LHFPL3: variants seen among roughly 807,000 people sequenced by gnomAD.
The protein encoded by LHFPL3 is LHFPL tetraspan subfamily member 3 protein.
In LHFPL3, 5 loss-of-function variants were observed where a neutral mutation model predicts 19.3. The observed-to-expected ratio is 0.26, with a 90% CI of 0.14 to 0.54. LHFPL3 has a LOEUF of 0.54. LHFPL3 is among the 20% of genes least tolerant of loss of function. LHFPL3 has a pLI of 0.94. For missense variants in LHFPL3, 249 were observed against 307.4 expected (o/e 0.81, Z 1.42); for synonymous variants, 133 against 126.2 (o/e 1.05, Z -0.36).
chr7:104,608,036 A>C (rs1379980723), intron 1 of LHFPL3, among the ~76,000 whole-genome samples: 1 of 152,224 alleles, frequency 6.6e-6, no homozygotes, highest in African/African-American at 2.4e-5. Flanking sequence ...GAACACTTTT[A>C]CACTGTTGGT....
chr7:104,351,038 T>TA (rs35688007), intron 1 of LHFPL3, among the ~76,000 whole-genome samples: 14,135 of 116,108 alleles, frequency 0.12, 1,311 homozygotes, highest in Admixed American at 0.29. Flanking sequence ...AGACTCCCTC[T>TA]AAAAAAAAAA....
At chr7:104,839,259 G>A (rs1791152251) in intron 2 of LHFPL3, among the ~76,000 whole-genome samples, 1 of 152,156 alleles carries the variant, frequency 6.6e-6, no homozygotes. Context: ...AACCTTCAAG[G>A]CCAGCTAAGG....
chr7:104,498,716 G>A (rs896841537), intron 1 of LHFPL3, among the ~76,000 whole-genome samples: 5 of 152,066 alleles, frequency 3.3e-5, no homozygotes, highest in Admixed American at 1.3e-4. Flanking sequence ...GACCTCAAGC[G>A]ATCTGCCCAC....
At chr7:104,513,939 A>G (rs1433639913) in intron 1 of LHFPL3, among the ~76,000 whole-genome samples, 2 of 151,890 alleles carry the variant, frequency 1.3e-5, no homozygotes. Context: ...AACTGACAGG[A>G]CAGGGTCAAG....
At chr7:104,540,216 C>T (rs1794458622) in intron 1 of LHFPL3, among the ~76,000 whole-genome samples, 1 of 151,912 alleles carries the variant, frequency 6.6e-6, no homozygotes, top group Non-Finnish European at 1.5e-5. Context: ...CTACCTTACT[C>T]AGCTAAAATC....
At chr7:104,886,743 T>TACAA (rs1224303948) in intron 2 of LHFPL3, among the ~76,000 whole-genome samples, 1 of 152,202 alleles carries the variant, frequency 6.6e-6, no homozygotes, top group Non-Finnish European at 1.5e-5. Context: ...TTTACCAAAT[T>TACAA]ACAAACTCAG....
chr7:104,785,544 T>C (rs1422279862), intron 2 of LHFPL3, among the ~76,000 whole-genome samples: 1 of 152,214 alleles, frequency 6.6e-6, no homozygotes, highest in Non-Finnish European at 1.5e-5. Context: ...TTTAATTTAC[T>C]TAAGTTCTCC....
intron 2 of LHFPL3, chr7:104,845,299 T>A: frequency 5.1e-6 from 4 of 777,878 alleles, no homozygotes; most frequent in East Asian, 2.7e-5. Context: ...AGGAATGACG[T>A]TGTCAGTTTT....
intron 1 of LHFPL3, among the ~76,000 whole-genome samples, chr7:104,414,670 A>G (rs1039901984): frequency 2.6e-5 from 4 of 152,368 alleles, no homozygotes; most frequent in South Asian, 2.1e-4. Flanking sequence ...AAATTTATGC[A>G]TAAACTTTAG....
chr7:104,365,315 TAA>T (rs1004152877), intron 1 of LHFPL3, among the ~76,000 whole-genome samples: 3 of 151,212 alleles, frequency 2.0e-5, no homozygotes, highest in African/African-American at 4.9e-5. Context: ...AAATAAAAAA[TAA>T]AAAAATAAAA....
At chr7:104,876,813 G>A (rs181758336) in intron 2 of LHFPL3, among the ~76,000 whole-genome samples, 2 of 152,244 alleles carry the variant, frequency 1.3e-5, no homozygotes, top group South Asian at 2.1e-4. Context: ...GCTGCTATAA[G>A]GACACATGCA....
At chr7:104,687,663 C>T (rs1208405967) in intron 1 of LHFPL3, among the ~76,000 whole-genome samples, 1 of 152,150 alleles carries the variant, frequency 6.6e-6, no homozygotes, top group East Asian at 1.9e-4. Flanking sequence ...ATATATTTCA[C>T]AATATCACAG....
chr7:104,610,682 A>T (rs560111953), intron 1 of LHFPL3, among the ~76,000 whole-genome samples: 2 of 152,196 alleles, frequency 1.3e-5, no homozygotes, highest in Non-Finnish European at 2.9e-5. Flanking sequence ...TTCTATTCAG[A>T]TCTTCAATAG....
intron 2 of LHFPL3, among the ~76,000 whole-genome samples, chr7:104,897,728 G>T (rs752308030): frequency 3.3e-5 from 5 of 152,162 alleles, no homozygotes; most frequent in Admixed American, 6.5e-5. Flanking sequence ...TGCTTTCTGA[G>T]AAATTTGCAA....
intron 2 of LHFPL3, among the ~76,000 whole-genome samples, chr7:104,832,620 CCTT>C (rs1215732405): frequency 3.1e-5 from 2 of 65,208 alleles, no homozygotes; most frequent in South Asian, 7.4e-4. Context: ...TTTCTTTTTT[CCTT>C]CTTTTTTTTT....
chr7:104,452,550 G>A (rs903383315), intron 1 of LHFPL3, among the ~76,000 whole-genome samples: 1 of 152,194 alleles, frequency 6.6e-6, no homozygotes, highest in South Asian at 2.1e-4. Flanking sequence ...TATACCTAAT[G>A]ATGAACTGGT....
At chr7:104,616,329 C>T (rs973708401) in intron 1 of LHFPL3, among the ~76,000 whole-genome samples, 21 of 152,082 alleles carry the variant, frequency 1.4e-4, no homozygotes, top group Admixed American at 7.9e-4. Context: ...TCAGAAATAA[C>T]GCCACACATC....
chr7:104,724,568 G>A (rs775619449), intron 1 of LHFPL3, among the ~76,000 whole-genome samples: 1 of 152,110 alleles, frequency 6.6e-6, no homozygotes, highest in Non-Finnish European at 1.5e-5. Context: ...AGAACACATG[G>A]ACACATACAG....
intron 1 of LHFPL3, among the ~76,000 whole-genome samples, chr7:104,472,688 T>C (rs566734172): frequency 6.6e-6 from 1 of 152,296 alleles, no homozygotes; most frequent in South Asian, 2.1e-4. Flanking sequence ...TCTTTTCCAT[T>C]TAAGTAAAAT....
Sources: gnomAD v4.1 joint callset for allele counts (sites outside exome capture counted in the v4.1 genomes callset) on GRCh38, gnomAD v4.1.1 for gene constraint, MANE v1.5 for transcripts, NCBI Gene and HGNC (gene_info 2026-07-23, HGNC 2026-07-21) for gene names.